MAMLD1: variants seen among roughly 807,000 people sequenced by gnomAD.
MAMLD1 encodes mastermind like domain containing 1.
A neutral mutation model predicts 45.0 loss-of-function variants in MAMLD1; 14 were observed. The ratio of observed to expected loss-of-function variants is 0.31; its 90% confidence interval spans 0.21 to 0.49. The LOEUF (loss-of-function observed/expected upper bound fraction) is 0.49, where lower values mean the gene tolerates loss of function less well. MAMLD1 is among the 20% of genes least tolerant of loss of function. MAMLD1 has a pLI of 0.99. For missense variants in MAMLD1, 543 were observed against 603.6 expected (o/e 0.90, Z 1.05); for synonymous variants, 254 against 247.8 (o/e 1.02, Z -0.24).
intron 1 of MAMLD1, among the ~76,000 whole-genome samples, chrX:150,402,670 C>T (rs1557402484): frequency 2.7e-5 from 3 of 111,956 alleles, no homozygotes; most frequent in African/African-American, 9.8e-5. Flanking sequence ...TTGGAACCAA[C>T]CCAAATGTCC....
At chrX:150,424,170 C>G (rs992999454) in intron 1 of MAMLD1, among the ~76,000 whole-genome samples, 4 of 112,432 alleles carry the variant, frequency 3.6e-5, no homozygotes, top group African/African-American at 1.3e-4. Context: ...GCTTGAGAGA[C>G]AGTTTGCCCT....
intron 7 of MAMLD1, among the ~76,000 whole-genome samples, chrX:150,510,778 A>G (rs967321686): frequency 8.9e-6 from 1 of 112,005 alleles, no homozygotes; most frequent in Admixed American, 9.4e-5. Context: ...GCTTGCCCTC[A>G]GACAGGAGGT....
intron 1 of MAMLD1, among the ~76,000 whole-genome samples, chrX:150,438,083 T>G (rs1268011806): frequency 1.8e-5 from 2 of 111,550 alleles, no homozygotes; most frequent in Admixed American, 9.5e-5. Flanking sequence ...ATAGTATACA[T>G]GTACCATCAT....
Position 150,503,310 on chromosome X carries a change from A to G in MAMLD1, c.2077A>G (p.Arg693Gly), listed in dbSNP as rs2037621320. ...VDKACKLGEA[R>G]HPQVSLGRQP... ...CAAAGCCTGCAAGCTTGGGGAAGCC[A>G]GGCACCCCCAGGTCAGCCTCGGGCG... Residue 693 changes from arginine (R) to glycine (G), a missense_variant, in exon 6 of 8, where the codon AGG becomes GGG. Transcript: ENST00000370401. 1 of 1,211,830 alleles carries G rather than the reference A, an allele frequency of 8.3e-7. No homozygotes were observed. Among genetic ancestry groups the G allele is most frequent in the Admixed American group, 2.2e-5 (1 of 46,135 alleles).
At chrX:150,413,091 G>A (rs1557402890) in intron 1 of MAMLD1, among the ~76,000 whole-genome samples, 1 of 111,266 alleles carries the variant, frequency 9.0e-6, no homozygotes, top group Non-Finnish European at 1.9e-5. Context: ...AGCTACCTGA[G>A]GCATTGCAAA....
intron 1 of MAMLD1, among the ~76,000 whole-genome samples, chrX:150,430,534 G>C (rs2034900620): frequency 9.0e-6 from 1 of 111,509 alleles, no homozygotes; most frequent in African/African-American, 3.3e-5. Flanking sequence ...TCACGTCTAA[G>C]AAAGAACTCT....
chrX:150,484,314 TTTTGTTTGC>T (rs1208374545), intron 5 of MAMLD1, among the ~76,000 whole-genome samples: 3 of 112,785 alleles, frequency 2.7e-5, no homozygotes, highest in African/African-American at 9.7e-5. Context: ...TCTTTTATTC[TTTTGTTTGC>T]TTTGTTGACT....
Position 150,439,763 on chromosome X carries a change from C to A in MAMLD1, c.-63-5691C>A, listed in dbSNP as rs782334069. Among the ~76,000 whole-genome samples the A allele has an allele frequency of 8.1e-5, 9 of 111,152 alleles. No homozygotes were observed. In the South Asian group the frequency reaches 3.5e-3, roughly 43 times the overall value. ...CAACCTGGCCAATGTGGCAAAACAC[C>A]GTCTCTACCAAAAATACAAAAATTA... On this transcript the variant is annotated intron_variant, in intron 1 of 7. Transcript: ENST00000370401.
chrX:150,416,410 C>A (rs1485745659), intron 1 of MAMLD1, among the ~76,000 whole-genome samples: 1 of 111,846 alleles, frequency 8.9e-6, no homozygotes, highest in Non-Finnish European at 1.9e-5. Context: ...CTAATTTCAA[C>A]CAGGGTAGCC....
chrX:150,401,360 C>T (rs1474628283), intron 1 of MAMLD1, among the ~76,000 whole-genome samples: 1 of 100,657 alleles, frequency 9.9e-6, no homozygotes, highest in African/African-American at 3.6e-5. Flanking sequence ...ATCCAACTTA[C>T]AAGGGATGTG....
intron 1 of MAMLD1, among the ~76,000 whole-genome samples, chrX:150,400,691 C>A (rs1361979902): frequency 9.0e-6 from 1 of 110,871 alleles, no homozygotes; most frequent in Admixed American, 9.6e-5. Context: ...TTGTCAAAGG[C>A]CTTTTCTGCA....
chrX:150,481,976 G>GAAAGAA lies in MAMLD1; in HGVS notation c.2040+8176_2040+8181dup, dbSNP rs1348703384. On this transcript the variant is annotated intron_variant, in intron 5 of 7. Transcript: ENST00000370401. ...AAGAAAGAAAGAAAAAAGAAAGAAAGAAAGAAAGAAAGAAAGAAAGAAAGA... is the reference window on the plus strand; with the variant it reads ...AAGAAAGAAAGAAAAAAGAAAGAAAGAAAGAAAAAGAAAGAAAGAAAGAAAGAAAGA... 3.5e-3 allele frequency among the ~76,000 whole-genome samples: 271 copies of GAAAGAA among 77,358 alleles called. 1 individual carries two copies. The highest frequency in any genetic ancestry group is 0.012 in the South Asian group (17 of 1,377). 67.2% of individuals were successfully genotyped at this position (77,358 alleles called of 115,157 possible).
chrX:150,421,060 T>C, intron 1 of MAMLD1: 1 of 118,182 alleles, frequency 8.5e-6, no homozygotes. Context: ...TGCAGTTTGA[T>C]CTGACTGCTG....
At chrX:150,501,040 C>T (rs1344085172) in intron 5 of MAMLD1, among the ~76,000 whole-genome samples, 3 of 111,694 alleles carry the variant, frequency 2.7e-5, no homozygotes, top group African/African-American at 9.8e-5. Context: ...TATCTTCCGC[C>T]GCTGGTCATT....
chrX:150,422,436 A>T (rs187906788), intron 1 of MAMLD1, among the ~76,000 whole-genome samples: 37 of 110,781 alleles, frequency 3.3e-4, no homozygotes, highest in African/African-American at 9.9e-4. Context: ...TGTGACAGAG[A>T]CTCGCTGTGT....
chrX:150,487,723 T>C (rs2037040525), intron 5 of MAMLD1, among the ~76,000 whole-genome samples: 1 of 112,036 alleles, frequency 8.9e-6, no homozygotes, highest in African/African-American at 3.3e-5. Context: ...CCAAGGAGCC[T>C]CCTCTAACCA....
chrX:150,432,050 G>T (rs1335569482), intron 1 of MAMLD1, among the ~76,000 whole-genome samples: 1 of 110,041 alleles, frequency 9.1e-6, no homozygotes, highest in Non-Finnish European at 1.9e-5. Flanking sequence ...ATTCCCACTA[G>T]TAGTGTATAA....
At chrX:150,418,611 G>A (rs1557403223) in intron 1 of MAMLD1, among the ~76,000 whole-genome samples, 1 of 97,718 alleles carries the variant, frequency 1.0e-5, no homozygotes, top group African/African-American at 3.7e-5. Flanking sequence ...TGCTTTGAAT[G>A]CGTCCCAGAG....
chrX:150,507,379 A>G (rs904551288), intron 6 of MAMLD1, among the ~76,000 whole-genome samples: 4 of 112,697 alleles, frequency 3.5e-5, no homozygotes, highest in Non-Finnish European at 7.5e-5. Context: ...ACATTGATTC[A>G]GAACAAAGGA....
Sources: gnomAD v4.1 joint callset for allele counts (sites outside exome capture counted in the v4.1 genomes callset) on GRCh38, gnomAD v4.1.1 for gene constraint, MANE v1.5 for transcripts, NCBI Gene and HGNC (gene_info 2026-07-23, HGNC 2026-07-21) for gene names.